Variants in KIAA1549 observed in about 807,000 individuals in gnomAD.
The protein encoded by KIAA1549 is UPF0606 protein KIAA1549.
Under a neutral mutation model 156.4 loss-of-function variants are expected in KIAA1549, and 70 were observed. That is an observed-to-expected ratio of 0.45 (90% CI 0.37 to 0.55). The LOEUF is 0.55. Among genes scored for constraint, KIAA1549 ranks in the 20% least tolerant of loss-of-function variants. The pLI is 0.00. For synonymous variants in KIAA1549, 1,103 were observed against 1,066.4 expected (o/e 1.03, Z -0.67); for missense variants, 2,428 against 2,540.9 (o/e 0.96, Z 0.96).
At chr7:138,868,256 C>T (rs543330032) in intron 14 of KIAA1549, 128 bp from the exon 15 acceptor site, 2 of 849,600 alleles carry the variant, frequency 2.4e-6, no homozygotes, top group East Asian at 5.3e-5. Context: ...AGGATATAAA[C>T]GCCATGTACG....
rs10625706 is a variant in KIAA1549 at position 138,977,655 on chromosome 7, A to AACACACACACACACAC, written c.187+3412_187+3427dup. Among the ~76,000 whole-genome samples the AACACACACACACACAC allele has an allele frequency of 7.4e-4, 109 of 146,916 alleles. 1 individual carries two copies. The highest frequency in any genetic ancestry group is 2.4e-3 in the African/African-American group (95 of 39,716). On this transcript the variant is annotated intron_variant, in intron 1 of 19. Coordinates refer to ENST00000422774, the MANE Select transcript of KIAA1549 (RefSeq NM_001164665.2). ...CCTTCCACAAATGTATACTCAAGAA[A>AACACACACACACACAC]ACACACACACACACACACACACACA...
chr7:138,871,072 C>A lies in KIAA1549; in HGVS notation c.4551+85G>T, dbSNP rs531536541. On this transcript the variant is annotated intron_variant, in intron 13 of 19. Coordinates refer to ENST00000422774, the MANE Select transcript of KIAA1549 (RefSeq NM_001164665.2). ...CCTCAGGCGATCTGCCTGCCTTGGCCCCCCCAAGTGCTGGGATTACAGGCA... is the reference window on the plus strand; with the variant it reads ...CCTCAGGCGATCTGCCTGCCTTGGCACCCCCAAGTGCTGGGATTACAGGCA... 14 of 1,250,996 alleles carry A rather than the reference C, an allele frequency of 1.1e-5. No individual in the cohort carries two copies. The East Asian group carries it at 2.3e-4, about 21-fold the overall frequency. The allele number at this position is 1,250,996 out of a possible 1,614,324, so 77.5% of individuals were successfully genotyped here.
chr7:138,965,248 C>T (rs1813984952), intron 1 of KIAA1549, among the ~76,000 whole-genome samples: 2 of 152,290 alleles, frequency 1.3e-5, no homozygotes, highest in Middle Eastern at 3.4e-3. Context: ...GCAGAGGGAA[C>T]AGCAAGTACA....
chr7:138,869,506 G>A (rs757483148), intron 14 of KIAA1549, 32 bp downstream of exon 14: 41 of 1,520,314 alleles, frequency 2.7e-5, no homozygotes, highest in South Asian at 2.3e-4. Context: ...CTGCGCGCCC[G>A]CCCCACCGCC....
chr7:138,869,033 T>A (rs532867691), intron 14 of KIAA1549, among the ~76,000 whole-genome samples: 2 of 151,838 alleles, frequency 1.3e-5, no homozygotes, highest in South Asian at 4.2e-4. Context: ...GGGACGGGAG[T>A]CTGGGAGACC....
At chr7:138,856,459 C>A (rs1273881434) in intron 16 of KIAA1549, among the ~76,000 whole-genome samples, 1 of 152,182 alleles carries the variant, frequency 6.6e-6, no homozygotes, top group Non-Finnish European at 1.5e-5. Flanking sequence ...TTATCCACTG[C>A]ATTGCACTAG....
At chr7:138,856,709 C>T (rs537618584) in intron 16 of KIAA1549, among the ~76,000 whole-genome samples, 14 of 152,294 alleles carry the variant, frequency 9.2e-5, no homozygotes, top group African/African-American at 3.4e-4. Context: ...ACTTTTAGTG[C>T]CCGCTCTGTT....
chr7:138,844,370 T>G lies in KIAA1549; in HGVS notation c.5399A>C (p.Tyr1800Ser). 1 of 1,613,184 alleles carries G rather than the reference T, an allele frequency of 6.2e-7. No homozygotes were observed. The highest frequency in any genetic ancestry group is 1.3e-5 in the African/African-American group (1 of 75,018). The part of the protein sequence containing the change: ...AEAPFAARGI[Y>S]SEEMPSVARP... ...GGCCACCGACGGCATCTCCTCCGAG[T>G]AGATCCCTCTGGCAGCAAATGGGGC... is the stretch of plus-strand genomic sequence containing the variant. The change falls in exon 18 of 20, where the codon TAC becomes TCC. Residue 1800 changes from tyrosine (Y) to serine (S), a missense_variant. Tyr to Ser is a moderately radical substitution (Grantham distance 144). Coordinates refer to ENST00000422774, the MANE Select transcript of KIAA1549 (RefSeq NM_001164665.2).
chr7:138,858,116 T>C (rs1463923650), intron 16 of KIAA1549, among the ~76,000 whole-genome samples: 1 of 152,176 alleles, frequency 6.6e-6, no homozygotes, highest in Non-Finnish European at 1.5e-5. Flanking sequence ...TTTCATTTCC[T>C]TGTCTGCCTT....
At chr7:138,949,399 C>T (rs1813429437) in intron 1 of KIAA1549, among the ~76,000 whole-genome samples, 1 of 151,900 alleles carries the variant, frequency 6.6e-6, no homozygotes. Context: ...CAGGATAGAC[C>T]CGCATATTAG....
rs555723659 is a variant in KIAA1549 at position 138,979,520 on chromosome 7, T to C, written c.187+1563A>G. Among the ~76,000 whole-genome samples the C allele has an allele frequency of 8.5e-5, 13 of 152,316 alleles. No homozygotes were observed. In the South Asian group the frequency reaches 2.5e-3, roughly 29 times the overall value. ...ACTCACAACGTGATTGGATCGTGTA[T>C]ATAAAATTCAACATCTGGCACACAA... On this transcript the variant is annotated intron_variant, in intron 1 of 19. Transcript: ENST00000422774.
At chr7:138,903,033 T>C (rs989725730) in intron 8 of KIAA1549, among the ~76,000 whole-genome samples, 6 of 152,186 alleles carry the variant, frequency 3.9e-5, no homozygotes, top group Non-Finnish European at 8.8e-5. Flanking sequence ...TAATTGGCTA[T>C]GTAATTTCTA....
chr7:138,860,776 C>G (rs907978312), intron 16 of KIAA1549, among the ~76,000 whole-genome samples: 1 of 151,694 alleles, frequency 6.6e-6, no homozygotes, highest in Non-Finnish European at 1.5e-5. Flanking sequence ...TAAACTGAAA[C>G]TTTTCTGGAG....
At chr7:138,946,424 T>C (rs1813339025) in intron 1 of KIAA1549, among the ~76,000 whole-genome samples, 1 of 152,186 alleles carries the variant, frequency 6.6e-6, no homozygotes, top group African/African-American at 2.4e-5. Context: ...TTTCTTTCGC[T>C]TGGCTATGGG....
intron 12 of KIAA1549, among the ~76,000 whole-genome samples, chr7:138,878,501 C>T (rs993831967): frequency 2.0e-5 from 3 of 152,204 alleles, no homozygotes; most frequent in Non-Finnish European, 4.4e-5. Context: ...TGGCTCATGC[C>T]TATAATCCCA....
chr7:138,879,418 G>A, intron 12 of KIAA1549, 120 bp downstream of exon 12: 1 of 627,220 alleles, frequency 1.6e-6, no homozygotes, highest in Non-Finnish European at 2.7e-6. Context: ...CAGGAATGAT[G>A]AATTTTCCAT....
chr7:138,884,880 G>A (rs192270368), intron 10 of KIAA1549, among the ~76,000 whole-genome samples: 2 of 152,310 alleles, frequency 1.3e-5, no homozygotes, highest in Admixed American at 6.5e-5. Context: ...TTCTTCTCCT[G>A]TAACTCCTGT....
At chr7:138,890,438 C>G (rs1338006386) in intron 10 of KIAA1549, among the ~76,000 whole-genome samples, 1 of 152,246 alleles carries the variant, frequency 6.6e-6, no homozygotes, top group Non-Finnish European at 1.5e-5. Context: ...TGAAACGTCA[C>G]CACAACCACC....
chr7:138,942,655 A>G (rs1263038894), intron 1 of KIAA1549, among the ~76,000 whole-genome samples: 2 of 152,092 alleles, frequency 1.3e-5, no homozygotes, highest in Admixed American at 6.5e-5. Context: ...TCACGCCTGT[A>G]ATCCCAGCAC....
Sources: gnomAD v4.1 joint callset for allele counts (sites outside exome capture counted in the v4.1 genomes callset) on GRCh38, gnomAD v4.1.1 for gene constraint, MANE v1.5 for transcripts, NCBI Gene and HGNC (gene_info 2026-07-23, HGNC 2026-07-21) for gene names.